The following SHOC1 variants were observed in gnomAD, a reference collection of about 807,000 sequenced individuals.
SHOC1 encodes shortage in chiasmata 1.
Under a neutral mutation model 179.2 loss-of-function variants are expected in SHOC1, and 136 were observed. The ratio of observed to expected loss-of-function variants is 0.76; its 90% confidence interval spans 0.66 to 0.87. The LOEUF is 0.87. Among genes scored for constraint, SHOC1 ranks in the 40% least tolerant of loss-of-function variants. The probability of loss-of-function intolerance (pLI) is 0.00; values close to 1 mark genes in which losing one functional copy is unlikely to be tolerated. For synonymous variants in SHOC1, 489 were observed against 586.6 expected, an observed-to-expected ratio of 0.83 and a Z score of 2.41; for missense variants, 1,538 against 1,700.8, an observed-to-expected ratio of 0.90 and a Z score of 1.68.
chr9:111,744,819 T>C (rs947900518), intron 10 of SHOC1, among the ~76,000 whole-genome samples: 9 of 152,190 alleles, frequency 5.9e-5, no homozygotes, highest in African/African-American at 2.2e-4. Context: ...AGCAGACTAA[T>C]CAATCTTAGA....
intron 5 of SHOC1, among the ~76,000 whole-genome samples, chr9:111,760,371 C>T (rs1402027529): frequency 6.6e-6 from 1 of 152,086 alleles, no homozygotes; most frequent in Non-Finnish European, 1.5e-5. Context: ...TATTTTACTA[C>T]AGCTAATACA....
In SHOC1 at chr9:111,727,780, A is replaced by G. The variant is rs551120908; in HGVS notation, c.1687T>C (p.Ser563Pro). The G allele has an allele frequency of 3.1e-6, 5 of 1,613,360 alleles. No homozygotes were observed. In the African/African-American group the frequency reaches 6.7e-5, roughly 22 times the overall value. Reference protein sequence around the residue: ...DCTGPSIKSPSSSIIKKASFE... With the variant: ...DCTGPSIKSPPSSIIKKASFE... Reference sequence around the variant, plus strand: ...GATGCTTTTTTAATTATTGAAGAGGAAGGTGATTTAATAGATGGTCCTGTG... The same window carrying G: ...GATGCTTTTTTAATTATTGAAGAGGGAGGTGATTTAATAGATGGTCCTGTG... The change falls in exon 13 of 28, where the codon TCC becomes CCC. Residue 563 changes from serine to proline, a missense_variant. By Grantham distance (74) the Ser-to-Pro change is moderately conservative. Coordinates refer to ENST00000682961, the MANE Select transcript of SHOC1 (RefSeq NM_001378211.1).
chr9:111,781,233 C>A, intron 3 of SHOC1: 1 of 481,930 alleles, frequency 2.1e-6, no homozygotes, highest in East Asian at 3.7e-5. Context: ...AACAATATCA[C>A]CTGAACATAT....
At chr9:111,687,333 GA>G (rs2131295772) in intron 27 of SHOC1, among the ~76,000 whole-genome samples, 1 of 152,204 alleles carries the variant, frequency 6.6e-6, no homozygotes, top group African/African-American at 2.4e-5. Context: ...TCCAAACTGG[GA>G]TAAAATAATA....
In SHOC1 at chr9:111,758,684, T is replaced by G; in HGVS notation, c.596+11A>C. On this transcript the variant is annotated intron_variant, in intron 6 of 27. Transcript: ENST00000682961. Reference sequence around the variant, plus strand: ...AAAAATATTTACAGCATTGGTCAATTAAGTAAGTACCTGGAAAAATTAGCT... The same window carrying G: ...AAAAATATTTACAGCATTGGTCAATGAAGTAAGTACCTGGAAAAATTAGCT... 1 of 1,566,384 alleles carries G rather than the reference T, an allele frequency of 6.4e-7. No individual in the cohort carries two copies. The highest frequency in any genetic ancestry group is 8.6e-7 in the Non-Finnish European group (1 of 1,163,744).
intron 24 of SHOC1, among the ~76,000 whole-genome samples, chr9:111,695,393 A>G (rs1831642096): frequency 6.6e-6 from 1 of 152,164 alleles, no homozygotes; most frequent in Non-Finnish European, 1.5e-5. Context: ...TATAGGGAGA[A>G]TACACAGAAA....
chr9:111,699,891 A>C, intron 24 of SHOC1, 63 bp downstream of exon 24: 1 of 988,406 alleles, frequency 1.0e-6, no homozygotes, highest in Non-Finnish European at 1.5e-6. Flanking sequence ...TTGGGCACTT[A>C]AGTTTGAGTA....
At chr9:111,721,000 G>A (rs564838569) in intron 15 of SHOC1, among the ~76,000 whole-genome samples, 12 of 152,280 alleles carry the variant, frequency 7.9e-5, no homozygotes, top group African/African-American at 2.4e-4. Context: ...CTGTTACCTT[G>A]TTGGGTATTC....
chr9:111,775,746 T>TA, intron 5 of SHOC1, 45 bp downstream of exon 5: 1 of 1,516,910 alleles, frequency 6.6e-7, no homozygotes, highest in Non-Finnish European at 8.9e-7. Context: ...AATATGTGTA[T>TA]ATCAGTAAGA....
At chr9:111,774,622 T>A (rs1016933649) in intron 5 of SHOC1, among the ~76,000 whole-genome samples, 2 of 152,146 alleles carry the variant, frequency 1.3e-5, no homozygotes, top group African/African-American at 4.8e-5. Flanking sequence ...TATATCATGC[T>A]CTCAAGTTTT....
At chr9:111,752,075 C>A (rs563809783) in intron 8 of SHOC1, among the ~76,000 whole-genome samples, 2 of 152,188 alleles carry the variant, frequency 1.3e-5, no homozygotes, top group East Asian at 3.9e-4. Context: ...AGTGAATTTC[C>A]CATTTTTACA....
At chr9:111,784,002 T>C (rs535381638) in intron 3 of SHOC1, among the ~76,000 whole-genome samples, 1 of 151,622 alleles carries the variant, frequency 6.6e-6, no homozygotes, top group African/African-American at 2.4e-5. Context: ...CATCCTGTTT[T>C]GTGGGTGGGG....
At chr9:111,704,023 A>T (rs758477320) in intron 21 of SHOC1, 31 bp from the exon 22 acceptor site, 21 of 1,156,324 alleles carry the variant, frequency 1.8e-5, no homozygotes, top group Admixed American at 2.0e-5. Flanking sequence ...GAGTGAAAAA[A>T]TGAAATGCTA....
chr9:111,785,610 A>G (rs1255435962), intron 3 of SHOC1, among the ~76,000 whole-genome samples: 2 of 152,226 alleles, frequency 1.3e-5, no homozygotes, highest in Non-Finnish European at 2.9e-5. Context: ...AGTAGGCCTC[A>G]GATAGTCAAG....
chr9:111,722,557 G>A lies in SHOC1; in HGVS notation c.1983C>T (p.Leu661=), dbSNP rs62569959. ...TTAAGATAGGAGAAGCTGCTGCTTC[G>A]AGGAGGCAAAATGCTTGGCACTGGC... ...SDSQCQAFCL[L]EAAASPILKN... The change falls in exon 15 of 28, where the codon CTC becomes CTT. Residue 661 remains leucine, a synonymous_variant. Coordinates refer to ENST00000682961, the MANE Select transcript of SHOC1 (RefSeq NM_001378211.1). The A allele has an allele frequency of 4.1e-5, 65 of 1,604,142 alleles. No individual in the cohort carries two copies. Among genetic ancestry groups the A allele is most frequent in the Middle Eastern group, 1.7e-4 (1 of 6,056 alleles).
chr9:111,699,403 G>A (rs1831855504), intron 24 of SHOC1, among the ~76,000 whole-genome samples: 2 of 152,172 alleles, frequency 1.3e-5, no homozygotes, highest in African/African-American at 4.8e-5. Flanking sequence ...CAGACCTTAA[G>A]AAATGTCAGG....
At chr9:111,761,221 G>C (rs1247732561) in intron 5 of SHOC1, among the ~76,000 whole-genome samples, 3 of 152,154 alleles carry the variant, frequency 2.0e-5, no homozygotes, top group African/African-American at 7.2e-5. Context: ...GGCACCTTCA[G>C]CTGGGCCTGG....
intron 15 of SHOC1, among the ~76,000 whole-genome samples, chr9:111,721,959 A>T (rs1833072030): frequency 6.6e-6 from 1 of 152,142 alleles, no homozygotes; most frequent in Non-Finnish European, 1.5e-5. Context: ...AGGGTCTTAA[A>T]AACTGGTTTA....
intron 8 of SHOC1, among the ~76,000 whole-genome samples, chr9:111,753,064 GA>G (rs968360299): frequency 1.1e-4 from 16 of 152,054 alleles, no homozygotes; most frequent in African/African-American, 3.9e-4. Flanking sequence ...AAAAAAGAAA[GA>G]AAGAAAACAT....
Sources: gnomAD v4.1 joint callset for allele counts (sites outside exome capture counted in the v4.1 genomes callset) on GRCh38, gnomAD v4.1.1 for gene constraint, MANE v1.5 for transcripts, NCBI Gene and HGNC (gene_info 2026-07-23, HGNC 2026-07-21) for gene names.